Variants in AP1G1 observed in about 807,000 individuals in gnomAD.
AP1G1 encodes adaptor related protein complex 1 subunit gamma 1.
In AP1G1, 7 loss-of-function variants were observed where a neutral mutation model predicts 108.3. The ratio of observed to expected loss-of-function variants is 0.06; its 90% CI spans 0.04 to 0.12. The LOEUF is 0.12. Among genes scored for constraint, AP1G1 ranks in the 10% least tolerant of loss-of-function variants. The pLI, the probability that AP1G1 is intolerant of heterozygous loss-of-function variation, is 1.00. For synonymous variants in AP1G1, 379 were observed against 353.5 expected (o/e 1.07, Z -0.81); for missense variants, 756 against 1,010.7 (o/e 0.75, Z 3.42).
chr16:71,752,475 T>C (rs2030558095), intron 13 of AP1G1, among the ~76,000 whole-genome samples: 1 of 152,088 alleles, frequency 6.6e-6, no homozygotes, highest in Non-Finnish European at 1.5e-5. Context: ...CAAATACATA[T>C]AAGTCATAAT....
At chr16:71,808,420 GCCCGC>G in intron 1 of AP1G1, 3 of 1,135,126 alleles carry the variant, frequency 2.6e-6, no homozygotes, top group Non-Finnish European at 3.4e-6. Context: ...CGGGGGTGGG[GCCCGC>G]CCCGCTAAAC....
At chr16:71,785,702 A>C (rs113339328) in intron 2 of AP1G1, among the ~76,000 whole-genome samples, 5 of 152,010 alleles carry the variant, frequency 3.3e-5, no homozygotes, top group African/African-American at 1.2e-4. Flanking sequence ...TAACACAGTG[A>C]AATCCCGTCT....
At chr16:71,808,526 C>A in intron 1 of AP1G1, 1 of 1,278,126 alleles carries the variant, frequency 7.8e-7, no homozygotes, top group Non-Finnish European at 1.0e-6. Flanking sequence ...CGCCACAACA[C>A]GGAACGCCGC....
At chr16:71,743,602 CA>C (rs60790948) in intron 19 of AP1G1, 136 of 113,976 alleles carry the variant, frequency 1.2e-3, no homozygotes, top group Non-Finnish European at 1.6e-3. Flanking sequence ...GACTCTGTCT[CA>C]AAAAAAAAAA....
At position 71,757,399 on chromosome 16, in the gene AP1G1, C is replaced by G. The variant is rs528055763; in HGVS notation, c.1089-1240G>C. Among the ~76,000 whole-genome samples, 10 of 121,020 alleles carry G rather than the reference C, an allele frequency of 8.3e-5. 1 individual carries two copies. The highest frequency in any genetic ancestry group is 5.8e-4 in the Admixed American group (6 of 10,400). 79.4% of individuals were successfully genotyped at this position (121,020 alleles called of 152,430 possible). A position where few individuals can be genotyped will look rare whatever the true frequency, so the allele number is the denominator to read the frequency against. ...TCAGGAGACGGAAGTTGCAGTGAGCCGAGGTCGCACCACCACACTCCAGCC... is the reference window on the plus strand; with the variant it reads ...TCAGGAGACGGAAGTTGCAGTGAGCGGAGGTCGCACCACCACACTCCAGCC... On this transcript the variant is annotated intron_variant, in intron 11 of 22. Transcript: ENST00000299980.
chr16:71,774,332 C>T (rs10083757), intron 3 of AP1G1, 136 bp downstream of exon 3: 415,296 of 832,878 alleles, frequency 0.5, 106,024 homozygotes, highest in Middle Eastern at 0.64. Context: ...ACGGTGGCAG[C>T]GGAGGAGGAT....
chr16:71,768,058 AAAGT>A (rs989992321), intron 6 of AP1G1, among the ~76,000 whole-genome samples: 5 of 151,996 alleles, frequency 3.3e-5, no homozygotes, highest in Admixed American at 6.6e-5. Context: ...TCTAAAGTAC[AAAGT>A]GAGTTCTATT....
chr16:71,808,414 G>A (rs1363425838), intron 1 of AP1G1: 14 of 1,110,368 alleles, frequency 1.3e-5, no homozygotes, highest in South Asian at 1.6e-5. Context: ...GACACGCGGG[G>A]GTGGGGCCCG....
intron 1 of AP1G1, among the ~76,000 whole-genome samples, chr16:71,805,387 T>C (rs577255206): frequency 1.2e-3 from 177 of 150,188 alleles, no homozygotes; most frequent in African/African-American, 4.1e-3. Context: ...AGGTGGAGGT[T>C]GCACAGTGAG....
rs747139378 is a variant in AP1G1 at position 71,739,009 on chromosome 16, G to A, written c.2201C>T (p.Thr734Met). Residue 734 changes from threonine to methionine, a missense_variant, in exon 21 of 23, where the codon ACG becomes ATG. By Grantham distance (81) the Thr-to-Met change is moderately conservative. Around this residue, in one of 3 missense-constraint regions of AP1G1, gnomAD observed 95 missense variants for 160.5 expected, o/e 0.59. Coordinates refer to ENST00000299980, the MANE Select transcript of AP1G1 (RefSeq NM_001128.6). ...SNTNPSVTVI[T>M]IQASNSTELD... The stretch of plus-strand genomic sequence containing the variant: ...CTCTGTGCTGTTGGAGGCCTGTATC[G>A]TTATCACTGTTACACTGGGGTTGGT... 4.1e-5 allele frequency: 66 copies of A among 1,613,994 alleles called. No individual in the cohort carries two copies. The highest frequency in any genetic ancestry group is 5.2e-5 in the Non-Finnish European group (61 of 1,180,006).
intron 12 of AP1G1, 146 bp downstream of exon 12, chr16:71,755,873 T>C: frequency 2.4e-6 from 2 of 821,252 alleles, no homozygotes; most frequent in Non-Finnish European, 3.8e-6. Flanking sequence ...CTCGAACTCC[T>C]GACTTCATGA....
In AP1G1 at chr16:71,769,644, G is replaced by C; in HGVS notation, c.621C>G (p.Asp207Glu). The change falls in exon 6 of 23, where the codon GAC becomes GAG. Residue 207 changes from aspartate (D) to glutamate (E), a missense_variant. Asp to Glu is a conservative substitution (Grantham distance 45). Around this residue, in one of 3 missense-constraint regions of AP1G1, gnomAD observed 304 missense variants for 483.6 expected, o/e 0.63. Transcript: ENST00000299980. ...LLTEMCERSPDMLAHFRKLVP... is the reference protein window; with the variant it reads ...LLTEMCERSPEMLAHFRKLVP... ...CTACCTTTCTGAAATGCGCAAGCAT[G>C]TCTGGGCTTCGCTCACACATTTCTG... 1 of 1,613,658 alleles carries C rather than the reference G, an allele frequency of 6.2e-7. No individual in the cohort carries two copies. Among genetic ancestry groups the C allele is most frequent in the South Asian group, 1.1e-5 (1 of 91,056 alleles).
Position 71,758,983 on chromosome 16 carries a change from G to A in AP1G1, c.975-62C>T, listed in dbSNP as rs183170684. The stretch of plus-strand genomic sequence containing the variant: ...GTAAAATTCAGGATAGTTTTTCTCC[G>A]TTTAAATAATAAAAAGAAAGACGTC... On this transcript the variant is annotated intron_variant, in intron 10 of 22. Transcript: ENST00000299980. 339 of 917,556 alleles carry A rather than the reference G, an allele frequency of 3.7e-4. 1 individual carries two copies. Among genetic ancestry groups the A allele is most frequent in the African/African-American group, 3.3e-3 (192 of 58,342 alleles). The allele number at this position is 917,556 out of a possible 1,614,324, so 56.8% of individuals were successfully genotyped here. A position where few individuals can be genotyped will look rare whatever the true frequency, so the allele number is the denominator to read the frequency against.
At chr16:71,792,060 C>A (rs2032422907) in intron 1 of AP1G1, among the ~76,000 whole-genome samples, 1 of 152,096 alleles carries the variant, frequency 6.6e-6, no homozygotes, top group African/African-American at 2.4e-5. Context: ...CCACGCCAGG[C>A]CAACACTAAA....
At chr16:71,776,108 T>C (rs1488330192) in intron 2 of AP1G1, among the ~76,000 whole-genome samples, 1 of 152,226 alleles carries the variant, frequency 6.6e-6, no homozygotes, top group East Asian at 1.9e-4. Flanking sequence ...CTCAAATGGA[T>C]ACCTGTGTAT....
At position 71,802,569 on chromosome 16, in the gene AP1G1, A is replaced by G. The variant is rs143389286; in HGVS notation, c.-4+6194T>C. The stretch of plus-strand genomic sequence containing the variant: ...ACATGGTGAAACCCCATCTCTACTA[A>G]AAGTACAAAAATTAACTGGGCATGG... On this transcript the variant is annotated intron_variant, in intron 1 of 22. Coordinates refer to ENST00000299980, the MANE Select transcript of AP1G1 (RefSeq NM_001128.6). 3.4e-3 allele frequency among the ~76,000 whole-genome samples: 513 copies of G among 152,140 alleles called. 7 individuals carry two copies. Among genetic ancestry groups the G allele is most frequent in the African/African-American group, 0.012 (488 of 41,506 alleles).
At chr16:71,773,491 A>G in intron 3 of AP1G1, 129 bp from the exon 4 acceptor site, 1 of 953,690 alleles carries the variant, frequency 1.0e-6, no homozygotes, top group Non-Finnish European at 1.4e-6. Flanking sequence ...TTTGTTGCAG[A>G]AAATGTTTAT....
chr16:71,739,338 G>A lies in AP1G1; in HGVS notation c.2003C>T (p.Ala668Val), dbSNP rs760166875. 6.3e-7 allele frequency: 1 copy of A among 1,587,800 alleles called. No homozygotes were observed. The highest frequency in any genetic ancestry group is 1.2e-5 in the South Asian group (1 of 85,936). Residue 668 changes from alanine (A) to valine (V), a missense_variant, in exon 20 of 23, where the codon GCT (alanine) becomes GTT (valine). Around this residue, in one of 3 missense-constraint regions of AP1G1, gnomAD observed 357 missense variants for 366.5 expected, o/e 0.97. Transcript: ENST00000299980. ...GGCAGGGGCAGGAGCAGCAGCTGGA[G>A]CACCTAAAGGAAATATTTTAATGGA... ...DLLGDINLTG[A>V]PAAAPAPASV...
At chr16:71,808,428 C>T (rs1245559577) in intron 1 of AP1G1, 8 of 1,165,052 alleles carry the variant, frequency 6.9e-6, no homozygotes, top group Admixed American at 3.5e-5. Flanking sequence ...GGGCCCGCCC[C>T]GCTAAACCCC....
Sources: allele counts gnomAD v4.1 joint callset (sites outside exome capture counted in the v4.1 genomes callset), GRCh38; gene constraint gnomAD v4.1.1; regional missense constraint gnomAD v4.1.1; transcripts MANE v1.5; gene names NCBI Gene and HGNC (gene_info 2026-07-23, HGNC 2026-07-21).